The following PTPRD variants were observed in gnomAD, a reference collection of about 807,000 sequenced individuals.
PTPRD encodes protein tyrosine phosphatase receptor type D, also known as receptor-type tyrosine-protein phosphatase delta.
A neutral mutation model predicts 214.5 loss-of-function variants in PTPRD; 34 were observed. The ratio of observed to expected loss-of-function variants is 0.16; its 90% confidence interval spans 0.12 to 0.21. The LOEUF is 0.21. PTPRD is among the 10% of genes least tolerant of loss of function. The pLI is 1.00. For synonymous variants in PTPRD, 1,128 were observed against 845.7 expected, an observed-to-expected ratio of 1.33 and a Z score of -5.79; for missense variants, 2,545 against 2,398.7, an observed-to-expected ratio of 1.06 and a Z score of -1.27.
intron 8 of PTPRD, among the ~76,000 whole-genome samples, chr9:9,487,197 C>A (rs900266642): frequency 6.6e-6 from 1 of 151,950 alleles, no homozygotes; most frequent in Non-Finnish European, 1.5e-5. Flanking sequence ...TCTCCTAATG[C>A]TATCCCTCCC....
At chr9:9,233,782 G>A (rs544948448) in intron 9 of PTPRD, among the ~76,000 whole-genome samples, 29 of 152,252 alleles carry the variant, frequency 1.9e-4, no homozygotes, top group African/African-American at 6.7e-4. Context: ...TCTCCTTAAC[G>A]CCATGTCTCA....
At chr9:8,783,767 T>G (rs1322908169) in intron 11 of PTPRD, among the ~76,000 whole-genome samples, 1 of 152,138 alleles carries the variant, frequency 6.6e-6, no homozygotes, top group Non-Finnish European at 1.5e-5. Context: ...GTCATAGGAT[T>G]TTCAACTGTA....
At chr9:8,890,240 A>G (rs967796677) in intron 11 of PTPRD, among the ~76,000 whole-genome samples, 1 of 152,272 alleles carries the variant, frequency 6.6e-6, no homozygotes. Context: ...AGCAATTCAA[A>G]TGAAATGGAT....
intron 9 of PTPRD, among the ~76,000 whole-genome samples, chr9:9,244,218 A>AATTTATAGATTCAATGCC (rs1286678211): frequency 2.4e-4 from 37 of 152,146 alleles, no homozygotes; most frequent in African/African-American, 8.7e-4. Flanking sequence ...TGCCCAAGGT[A>AATTTATAGATTCAATGCC]ATTTATAGAT....
At chr9:8,980,265 A>G (rs2099303665) in intron 11 of PTPRD, among the ~76,000 whole-genome samples, 1 of 152,066 alleles carries the variant, frequency 6.6e-6, no homozygotes, top group Admixed American at 6.6e-5. Flanking sequence ...TGTGGGACAA[A>G]GGATACAATG....
intron 37 of PTPRD, among the ~76,000 whole-genome samples, chr9:8,382,897 CTTCCAGTTCCATTTGG>C (rs1172470907): frequency 1.3e-5 from 2 of 152,212 alleles, no homozygotes; most frequent in Non-Finnish European, 2.9e-5. Context: ...GCCTTTGGCG[CTTCCAGTTCCATTTGG>C]AAAAGGACAC....
At chr9:9,161,686 T>C (rs2099889246) in intron 10 of PTPRD, among the ~76,000 whole-genome samples, 1 of 152,110 alleles carries the variant, frequency 6.6e-6, no homozygotes, top group Non-Finnish European at 1.5e-5. Flanking sequence ...CTCCTAGTGA[T>C]AAAGATACAG....
intron 8 of PTPRD, among the ~76,000 whole-genome samples, chr9:9,527,894 G>A (rs914753625): frequency 1.3e-5 from 2 of 152,148 alleles, no homozygotes; most frequent in African/African-American, 4.8e-5. Context: ...TAATAACAAA[G>A]ACTCTTCTGC....
rs572752428 is a variant in PTPRD, at chr9:10,593,281, A to G, written c.-600+19117T>C. Among the ~76,000 whole-genome samples, 29 of 152,098 alleles carry G rather than the reference A, an allele frequency of 1.9e-4. No homozygotes were observed. The South Asian group carries it at 5.6e-3, about 29-fold the overall frequency. On this transcript the variant is annotated intron_variant, in intron 2 of 45. Coordinates refer to ENST00000381196, the MANE Select transcript of PTPRD (RefSeq NM_002839.4). ...GGCCTGAGCTTTTGCATTTCGAACAAGCTCCCAGGAGATACCCATGCTGCT... is the reference window on the plus strand; with the variant it reads ...GGCCTGAGCTTTTGCATTTCGAACAGGCTCCCAGGAGATACCCATGCTGCT...
At chr9:10,564,900 T>C (rs546069934) in intron 2 of PTPRD, among the ~76,000 whole-genome samples, 27 of 152,182 alleles carry the variant, frequency 1.8e-4, no homozygotes, top group Non-Finnish European at 3.2e-4. Context: ...AGTTAATTAA[T>C]AACCTGTCTA....
At chr9:9,755,656 T>C (rs909547131) in intron 6 of PTPRD, among the ~76,000 whole-genome samples, 2 of 152,102 alleles carry the variant, frequency 1.3e-5, no homozygotes, top group Admixed American at 6.6e-5. Context: ...TTGTTTCTAT[T>C]AGTAAGGTAG....
intron 5 of PTPRD, among the ~76,000 whole-genome samples, chr9:9,843,143 G>A (rs2058728196): frequency 6.6e-6 from 1 of 151,984 alleles, no homozygotes; most frequent in Non-Finnish European, 1.5e-5. Context: ...AAACCTTATG[G>A]CTTCTAGACC....
intron 2 of PTPRD, among the ~76,000 whole-genome samples, chr9:10,406,704 C>A (rs2098366250): frequency 6.6e-6 from 1 of 151,604 alleles, no homozygotes; most frequent in South Asian, 2.1e-4. Flanking sequence ...TATCAATTTT[C>A]TCTAAAGGTG....
chr9:9,634,153 G>C (rs1307468528), intron 7 of PTPRD, among the ~76,000 whole-genome samples: 5 of 152,054 alleles, frequency 3.3e-5, no homozygotes, highest in Non-Finnish European at 5.9e-5. Context: ...TCATCATAAA[G>C]GGATGATGCT....
intron 25 of PTPRD, among the ~76,000 whole-genome samples, chr9:8,497,711 T>C (rs1050201784): frequency 4.0e-5 from 6 of 151,760 alleles, no homozygotes; most frequent in Non-Finnish European, 7.4e-5. Context: ...GGAAAGTAAA[T>C]GAGATGGGAA....
At chr9:8,333,357 C>T (rs913551697) in intron 43 of PTPRD, among the ~76,000 whole-genome samples, 1 of 152,230 alleles carries the variant, frequency 6.6e-6, no homozygotes. Flanking sequence ...TGTGCAAATA[C>T]CTTCTATTTG....
chr9:8,916,967 A>C (rs938222742), intron 11 of PTPRD, among the ~76,000 whole-genome samples: 3 of 152,114 alleles, frequency 2.0e-5, no homozygotes, highest in Non-Finnish European at 4.4e-5. Context: ...CAAATTCTGC[A>C]TATAATCGTG....
chr9:8,650,214 C>A (rs2096778598), intron 12 of PTPRD, among the ~76,000 whole-genome samples: 1 of 151,912 alleles, frequency 6.6e-6, no homozygotes, highest in Non-Finnish European at 1.5e-5. Flanking sequence ...CCACACTCAG[C>A]AAGGGCAACT....
intron 9 of PTPRD, among the ~76,000 whole-genome samples, chr9:9,273,798 C>T (rs2133009181): frequency 6.6e-6 from 1 of 151,358 alleles, no homozygotes; most frequent in South Asian, 2.1e-4. Flanking sequence ...TCTCATCCTC[C>T]ACTGCAAATC....
Sources: gnomAD v4.1 joint callset for allele counts (sites outside exome capture counted in the v4.1 genomes callset) on GRCh38, gnomAD v4.1.1 for gene constraint, MANE v1.5 for transcripts, NCBI Gene and HGNC (gene_info 2026-07-23, HGNC 2026-07-21) for gene names.